The following WAC variants were observed in gnomAD, a reference collection of about 807,000 sequenced individuals.
WAC encodes WW domain containing adaptor with coiled-coil.
A neutral mutation model predicts 79.6 loss-of-function variants in WAC; 11 were observed. That is an observed-to-expected ratio of 0.14 (90% CI 0.09 to 0.23). The LOEUF (loss-of-function observed/expected upper bound fraction) is 0.23, where lower values mean the gene tolerates loss of function less well. Among genes scored for constraint, WAC ranks in the 10% least tolerant of loss-of-function variants. The pLI is 1.00. For missense variants in WAC, 728 were observed against 773.5 expected, an observed-to-expected ratio of 0.94 and a Z score of 0.70; for synonymous variants, 304 against 276.9, an observed-to-expected ratio of 1.10 and a Z score of -0.97.
Position 28,596,954 on chromosome 10 carries a change from A to G in WAC, c.919+913A>G, listed in dbSNP as rs1392287379. ...AGTGTGATTTTAAAGAATCCTAAAA[A>G]AGAACTTGTAGCCCCCTTAAAATCT... On this transcript the variant is annotated intron_variant, in intron 7 of 13. Coordinates refer to ENST00000354911, the MANE Select transcript of WAC (RefSeq NM_016628.5). Among the ~76,000 whole-genome samples the G allele has an allele frequency of 2.0e-5, 3 of 152,152 alleles. No homozygotes were observed. In the South Asian group the frequency reaches 6.2e-4, roughly 32 times the overall value.
At position 28,535,714 on chromosome 10, in the gene WAC, G is replaced by A. The variant is rs1836615550; in HGVS notation, c.231G>A (p.Lys77=). ...NKYSDSTGHS[K]AKNVHTHRVR... ...ACAGTGACAGCACAGGTCACAGTAA[G>A]GCCAAAAATGTGCATACTCACAGAG... is the stretch of plus-strand genomic sequence containing the variant. Residue 77 remains lysine (K), a synonymous_variant, in exon 3 of 14, where the codon AAG becomes AAA. Transcript: ENST00000354911. 1 of 1,613,758 alleles carries A rather than the reference G, an allele frequency of 6.2e-7. No individual in the cohort carries two copies. The highest frequency in any genetic ancestry group is 8.5e-7 in the Non-Finnish European group (1 of 1,179,910).
At chr10:28,574,345 C>T (rs1199197813) in intron 3 of WAC, among the ~76,000 whole-genome samples, 1 of 150,810 alleles carries the variant, frequency 6.6e-6, no homozygotes, top group East Asian at 2.0e-4. Context: ...GCGGGGTTTC[C>T]CCATGTTGGC....
chr10:28,616,373 TAC>T lies in WAC; in HGVS notation c.1746+13_1746+14del. 2 of 1,569,876 alleles carry T rather than the reference TAC, an allele frequency of 1.3e-6. No homozygotes were observed. The highest frequency in any genetic ancestry group is 1.7e-6 in the Non-Finnish European group (2 of 1,153,350). On this transcript the variant is annotated intron_variant, in intron 12 of 13. Coordinates refer to ENST00000354911, the MANE Select transcript of WAC (RefSeq NM_016628.5). ...CATGCAGAGAAGCAGGTATGTTATGTACAGCCTAGATTTTACCTTTGGATGAT... is the reference window on the plus strand; with the variant it reads ...CATGCAGAGAAGCAGGTATGTTATGTAGCCTAGATTTTACCTTTGGATGAT...
At chr10:28,613,816 T>C (rs1202346353) in intron 10 of WAC, among the ~76,000 whole-genome samples, 7 of 152,180 alleles carry the variant, frequency 4.6e-5, no homozygotes, top group Admixed American at 4.6e-4. Context: ...AAACTGCTTT[T>C]CTCTATGTGG....
intron 13 of WAC, 82 bp downstream of exon 13, chr10:28,617,866 T>C: frequency 7.1e-7 from 1 of 1,409,446 alleles, no homozygotes; most frequent in Non-Finnish European, 9.4e-7. Context: ...AATCACATTT[T>C]ATTTATGAAA....
At chr10:28,618,597 A>G (rs770045383) in intron 13 of WAC, among the ~76,000 whole-genome samples, 6 of 152,222 alleles carry the variant, frequency 3.9e-5, no homozygotes, top group Non-Finnish European at 8.8e-5. Context: ...ATTGCATCTT[A>G]GGAAAACAGT....
chr10:28,539,079 A>G (rs1357755591), intron 3 of WAC, among the ~76,000 whole-genome samples: 1 of 152,040 alleles, frequency 6.6e-6, no homozygotes, highest in Middle Eastern at 3.2e-3. Flanking sequence ...ATAATAACCT[A>G]TATGCTATGA....
At chr10:28,590,538 TAGTG>T (rs902850696) in intron 5 of WAC, among the ~76,000 whole-genome samples, 178 bp from the exon 6 acceptor site, 2 of 152,164 alleles carry the variant, frequency 1.3e-5, no homozygotes, top group Non-Finnish European at 2.9e-5. Flanking sequence ...ATTTTGCCAT[TAGTG>T]AGACATGTTA....
intron 3 of WAC, among the ~76,000 whole-genome samples, chr10:28,550,008 T>C (rs543194035): frequency 6.6e-6 from 1 of 151,906 alleles, no homozygotes; most frequent in Non-Finnish European, 1.5e-5. Context: ...CTACTAAAAA[T>C]ACAAAAAGTT....
At position 28,600,208 on chromosome 10, in the gene WAC, A is replaced by G. The variant is rs1349313780; in HGVS notation, c.919+4167A>G. On this transcript the variant is annotated intron_variant, in intron 7 of 13. Transcript: ENST00000354911. The stretch of plus-strand genomic sequence containing the variant: ...AATCTCAAGCTAGCTCTCCGTATGA[A>G]CATGTGTAAATAATCACATACTCAC... 2.2e-5 allele frequency among the ~76,000 whole-genome samples: 3 copies of G among 139,112 alleles called. No individual in the cohort carries two copies. The Admixed American group carries it at 2.3e-4, about 11-fold the overall frequency. The allele number at this position is 139,112 out of a possible 152,430, so 91.3% of individuals were successfully genotyped here. A position where few individuals can be genotyped will look rare whatever the true frequency, so the allele number is the denominator to read the frequency against.
intron 3 of WAC, among the ~76,000 whole-genome samples, chr10:28,575,601 G>T: frequency 6.6e-6 from 1 of 152,120 alleles, no homozygotes; most frequent in East Asian, 1.9e-4. Context: ...GTTCATCTTT[G>T]ATATGCGCTT....
chr10:28,589,548 A>G (rs1006653168), intron 4 of WAC, 188 bp from the exon 5 acceptor site: 1 of 330,794 alleles, frequency 3.0e-6, no homozygotes, highest in Non-Finnish European at 5.5e-6. Flanking sequence ...GATATTTTAT[A>G]AAGTTCTGTT....
intron 3 of WAC, among the ~76,000 whole-genome samples, chr10:28,560,022 AACTG>A (rs1364599199): frequency 6.6e-6 from 1 of 152,174 alleles, no homozygotes; most frequent in East Asian, 1.9e-4. Context: ...TGAAAGAATC[AACTG>A]ACTGATGAAC....
chr10:28,579,007 C>T (rs1458702940), intron 3 of WAC, among the ~76,000 whole-genome samples: 1 of 152,136 alleles, frequency 6.6e-6, no homozygotes, highest in African/African-American at 2.4e-5. Flanking sequence ...CTGTCCTGCT[C>T]TTCTCCCTAA....
At chr10:28,605,948 A>G (rs1007243140) in intron 7 of WAC, among the ~76,000 whole-genome samples, 1 of 152,214 alleles carries the variant, frequency 6.6e-6, no homozygotes, top group African/African-American at 2.4e-5. Context: ...GATGCCCCCA[A>G]GTTGTGTGTG....
At chr10:28,537,721 T>A (rs1486295108) in intron 3 of WAC, 1 of 152,226 alleles carries the variant, frequency 6.6e-6, no homozygotes, top group Non-Finnish European at 1.5e-5. Flanking sequence ...ATGCTTTGAC[T>A]CTTGAGAGCT....
At chr10:28,610,586 G>A (rs1841189310) in intron 8 of WAC, 113 bp from the exon 9 acceptor site, 4 of 1,140,684 alleles carry the variant, frequency 3.5e-6, no homozygotes, top group African/African-American at 3.2e-5. Context: ...TATTTTGAGA[G>A]TTCTAGGTTG....
chr10:28,584,140 C>T (rs2132634066), intron 4 of WAC, among the ~76,000 whole-genome samples: 1 of 152,274 alleles, frequency 6.6e-6, no homozygotes, highest in African/African-American at 2.4e-5. Context: ...ATTCTGGGAC[C>T]TGTGGTAGAG....
chr10:28,593,533 C>T (rs1020500981), intron 6 of WAC, among the ~76,000 whole-genome samples: 3 of 151,646 alleles, frequency 2.0e-5, no homozygotes, highest in South Asian at 2.1e-4. Flanking sequence ...TTTGGGAGGC[C>T]GAGACGGGTG....
Sources: gnomAD v4.1 joint callset for allele counts (sites outside exome capture counted in the v4.1 genomes callset) on GRCh38, gnomAD v4.1.1 for gene constraint, MANE v1.5 for transcripts, NCBI Gene and HGNC (gene_info 2026-07-23, HGNC 2026-07-21) for gene names.